Variants in CTNNA3 observed in about 807,000 individuals in gnomAD.
The protein encoded by CTNNA3 is catenin alpha 3, also known as catenin alpha-3.
Under a neutral mutation model 95.7 loss-of-function variants are expected in CTNNA3, and 76 were observed. The observed-to-expected ratio is 0.79, with a 90% CI of 0.66 to 0.96. CTNNA3 has a LOEUF of 0.96. Ranked by LOEUF, CTNNA3 falls within the 40% of genes least tolerant of loss-of-function variation. CTNNA3 has a pLI of 0.00. For synonymous variants in CTNNA3, 431 were observed against 374.4 expected, an observed-to-expected ratio of 1.15 and a Z score of -1.74; for missense variants, 1,191 against 1,089.8, an observed-to-expected ratio of 1.09 and a Z score of -1.31.
At chr10:67,396,554 A>G (rs929728371) in intron 5 of CTNNA3, among the ~76,000 whole-genome samples, 51 of 152,344 alleles carry the variant, frequency 3.3e-4, no homozygotes, top group African/African-American at 1.2e-3. Context: ...CCAAAATTTA[A>G]CAGGAATGTC....
intron 7 of CTNNA3, among the ~76,000 whole-genome samples, chr10:66,884,533 G>T (rs1264102514): frequency 6.6e-6 from 1 of 152,074 alleles, no homozygotes; most frequent in African/African-American, 2.4e-5. Flanking sequence ...ACAACCATGT[G>T]AATGAGCCAT....
intron 7 of CTNNA3, among the ~76,000 whole-genome samples, chr10:67,046,321 T>C (rs1854741424): frequency 6.6e-6 from 1 of 152,216 alleles, no homozygotes; most frequent in East Asian, 1.9e-4. Flanking sequence ...AAATCAAATA[T>C]GCCAGGTTTC....
At chr10:67,592,991 C>A (rs1184141348) in intron 3 of CTNNA3, among the ~76,000 whole-genome samples, 1 of 151,988 alleles carries the variant, frequency 6.6e-6, no homozygotes, top group East Asian at 1.9e-4. Context: ...TTAAGTAGGC[C>A]CCAATGTCTA....
chr10:66,607,472 C>CAAAAAAAAAAAAAAAAAAAAAAAAAAA (rs574854850), intron 10 of CTNNA3, among the ~76,000 whole-genome samples: 2 of 45,288 alleles, frequency 4.4e-5, no homozygotes, highest in African/African-American at 1.0e-4. Context: ...CAGAGACAAC[C>CAAAAAAAAAAAAAAAAAAAAAAAAAAA]AAAAAAAAAA....
At chr10:67,701,490 A>G (rs1841039167) in intron 1 of CTNNA3, among the ~76,000 whole-genome samples, 1 of 152,228 alleles carries the variant, frequency 6.6e-6, no homozygotes. Flanking sequence ...TAAAGAAAAG[A>G]ATTTTCAACC....
intron 5 of CTNNA3, among the ~76,000 whole-genome samples, chr10:67,279,915 A>G (rs1334902879): frequency 6.6e-6 from 1 of 150,636 alleles, no homozygotes; most frequent in East Asian, 1.9e-4. Flanking sequence ...AGAAAATTTC[A>G]TTCATTGATA....
At position 66,930,271 on chromosome 10, in the gene CTNNA3, T is replaced by C. The variant is rs916957154; in HGVS notation, c.1048-154747A>G. The stretch of plus-strand genomic sequence containing the variant: ...TCAGAAAAACATCTTAGTTACAATG[T>C]TTACCCATGAATAATTGTTGAATAT... On this transcript the variant is annotated intron_variant, in intron 7 of 17. Coordinates refer to ENST00000433211, the MANE Select transcript of CTNNA3 (RefSeq NM_013266.4). Among the ~76,000 whole-genome samples the C allele has an allele frequency of 1.4e-4, 21 of 152,218 alleles. 1 individual carries two copies. Among genetic ancestry groups the C allele is most frequent in the Admixed American group, 1.4e-3 (21 of 15,284 alleles).
chr10:66,824,829 G>A (rs961604991), intron 7 of CTNNA3, among the ~76,000 whole-genome samples: 2 of 152,040 alleles, frequency 1.3e-5, no homozygotes, highest in African/African-American at 2.4e-5. Flanking sequence ...ATCCCATAAC[G>A]GGATCCTGGG....
intron 9 of CTNNA3, among the ~76,000 whole-genome samples, chr10:66,683,619 G>T (rs1200084050): frequency 2.1e-5 from 3 of 144,518 alleles, no homozygotes; most frequent in African/African-American, 8.0e-5. Context: ...GCAGTAATGT[G>T]CTATGCAAGT....
At chr10:66,919,137 A>G (rs1156590998) in intron 7 of CTNNA3, among the ~76,000 whole-genome samples, 3 of 147,152 alleles carry the variant, frequency 2.0e-5, no homozygotes, top group Non-Finnish European at 4.5e-5. Context: ...TCTGTCTTAA[A>G]AAAAAAAAAA....
At chr10:67,602,646 CT>C (rs1036306611) in intron 3 of CTNNA3, among the ~76,000 whole-genome samples, 8 of 152,088 alleles carry the variant, frequency 5.3e-5, no homozygotes, top group Admixed American at 2.0e-4. Flanking sequence ...AAAATAACAT[CT>C]TTTTTTTGAA....
At chr10:66,445,759 A>C (rs1260261665) in intron 11 of CTNNA3, among the ~76,000 whole-genome samples, 2 of 149,994 alleles carry the variant, frequency 1.3e-5, no homozygotes, top group East Asian at 3.9e-4. Context: ...TCACAATTAA[A>C]AGAACTAGAA....
At chr10:66,039,416 C>T (rs2079636208) in intron 15 of CTNNA3, among the ~76,000 whole-genome samples, 1 of 152,042 alleles carries the variant, frequency 6.6e-6, no homozygotes, top group Admixed American at 6.6e-5. Flanking sequence ...CAAAGAATAG[C>T]CCAGGAAATC....
At chr10:67,728,096 TA>T (rs1354615925) in intron 1 of CTNNA3, among the ~76,000 whole-genome samples, 1 of 143,238 alleles carries the variant, frequency 7.0e-6, no homozygotes. Flanking sequence ...TAATATGTAA[TA>T]TACATACATA....
intron 17 of CTNNA3, among the ~76,000 whole-genome samples, chr10:65,950,259 G>C (rs1045025799): frequency 2.0e-5 from 3 of 152,122 alleles, no homozygotes; most frequent in Non-Finnish European, 4.4e-5. Flanking sequence ...GCATGAGTCA[G>C]ACTGAAATGA....
intron 3 of CTNNA3, among the ~76,000 whole-genome samples, chr10:67,569,719 C>A (rs1841923082): frequency 6.6e-6 from 1 of 152,092 alleles, no homozygotes; most frequent in African/African-American, 2.4e-5. Context: ...TTAAAGAGTG[C>A]ATTAAGCTAT....
At chr10:66,377,460 T>A (rs1311761689) in intron 12 of CTNNA3, among the ~76,000 whole-genome samples, 1 of 152,076 alleles carries the variant, frequency 6.6e-6, no homozygotes, top group Non-Finnish European at 1.5e-5. Flanking sequence ...TTTAAATAAC[T>A]TTGTTTCATT....
chr10:66,640,735 T>A (rs373335940), intron 9 of CTNNA3, among the ~76,000 whole-genome samples: 18 of 152,216 alleles, frequency 1.2e-4, no homozygotes, highest in African/African-American at 4.1e-4. Context: ...CAGGGAAGAA[T>A]TTTTCCCCCC....
intron 5 of CTNNA3, among the ~76,000 whole-genome samples, chr10:67,264,882 G>A (rs1866757317): frequency 6.6e-6 from 1 of 152,130 alleles, no homozygotes; most frequent in Non-Finnish European, 1.5e-5. Context: ...TCCAAAATAA[G>A]TAAATATGAA....
Sources: gnomAD v4.1 joint callset for allele counts (sites outside exome capture counted in the v4.1 genomes callset) on GRCh38, gnomAD v4.1.1 for gene constraint, MANE v1.5 for transcripts, NCBI Gene and HGNC (gene_info 2026-07-23, HGNC 2026-07-21) for gene names.